DEFB109B: variants seen among roughly 807,000 people sequenced by gnomAD.
The protein encoded by DEFB109B is defensin beta 109B, also known as beta-defensin 109B.
intron 1 of DEFB109B, among the ~76,000 whole-genome samples, chr8:7,315,822 CT>C (rs983222413): frequency 6.9e-6 from 1 of 145,096 alleles, no homozygotes; most frequent in Non-Finnish European, 1.5e-5. Flanking sequence ...TCAGCTCTGT[CT>C]TTTAAAATGA....
At chr8:7,315,145 G>A (rs1350980788) in intron 1 of DEFB109B, among the ~76,000 whole-genome samples, 12 of 72,884 alleles carry the variant, frequency 1.6e-4, no homozygotes, top group Admixed American at 4.0e-4. Flanking sequence ...CTACATGCCT[G>A]TCCCTCAAAA....
upstream of DEFB109B, among the ~76,000 whole-genome samples, chr8:7,310,776 GT>G (rs1163539743): frequency 1.4e-5 from 2 of 146,734 alleles, 1 homozygote; most frequent in African/African-American, 5.5e-5. Context: ...CCTTTAAAAT[GT>G]TTCCTTTTCT....
At chr8:7,315,773 T>A (rs1208411102) in intron 1 of DEFB109B, among the ~76,000 whole-genome samples, 1 of 144,922 alleles carries the variant, frequency 6.9e-6, no homozygotes, top group African/African-American at 2.9e-5. Flanking sequence ...TAGGGCTTCA[T>A]TACTCTGAAT....
intron 1 of DEFB109B, among the ~76,000 whole-genome samples, chr8:7,315,448 G>C (rs1219503061): frequency 7.3e-6 from 1 of 136,486 alleles, no homozygotes; most frequent in East Asian, 2.0e-4. Context: ...GCGGTGAGCC[G>C]AGATCGTGCC....
upstream of DEFB109B, among the ~76,000 whole-genome samples, chr8:7,312,182 C>T (rs529122680): frequency 2.9e-3 from 376 of 127,588 alleles, 9 homozygotes; most frequent in Non-Finnish European, 4.5e-3. Flanking sequence ...TGGTGTTTTA[C>T]TGAGTGGGGA....
At chr8:7,319,249 A>AG (rs1554509865) in intron 1 of DEFB109B, 39 of 128,866 alleles carry the variant, frequency 3.0e-4, no homozygotes, top group East Asian at 6.3e-4. Flanking sequence ...AAAAAAAAAA[A>AG]AGAGAGAGAG....
intron 1 of DEFB109B, among the ~76,000 whole-genome samples, chr8:7,315,705 C>T (rs1297857195): frequency 1.5e-5 from 2 of 137,538 alleles, no homozygotes; most frequent in South Asian, 2.2e-4. Context: ...CTTCCTCCTG[C>T]TTCTGCTGCT....
intron 1 of DEFB109B, among the ~76,000 whole-genome samples, chr8:7,316,794 T>C: frequency 7.7e-6 from 1 of 130,628 alleles, no homozygotes; most frequent in East Asian, 2.0e-4. Flanking sequence ...CTTCAGCTAA[T>C]ATATATATAT....
chr8:7,316,628 TTTG>T (rs1490746444), intron 1 of DEFB109B, among the ~76,000 whole-genome samples: 1 of 133,446 alleles, frequency 7.5e-6, no homozygotes, highest in Non-Finnish European at 1.5e-5. Context: ...TTGGTTTTGT[TTTG>T]TTTTGTTTTT....
chr8:7,318,920 CT>C (rs1347261308), intron 1 of DEFB109B: 1 of 146,248 alleles, frequency 6.8e-6, no homozygotes, highest in Non-Finnish European at 1.5e-5. Context: ...GTCAAAAACA[CT>C]TTTTTCTAAC....
upstream of DEFB109B, among the ~76,000 whole-genome samples, chr8:7,309,603 C>A (rs1317629032): frequency 1.4e-5 from 2 of 147,964 alleles, no homozygotes; most frequent in Non-Finnish European, 2.9e-5. Flanking sequence ...GCATGCCCTT[C>A]TGCATTGAGC....
At chr8:7,313,798 G>T (rs1159206093) in intron 1 of DEFB109B, among the ~76,000 whole-genome samples, 2 of 130,900 alleles carry the variant, frequency 1.5e-5, no homozygotes, top group African/African-American at 4.3e-5. Flanking sequence ...TTTAAAAAAT[G>T]TTTTTCAAAA....
chr8:7,316,634 TTG>T (rs1456797848), intron 1 of DEFB109B, among the ~76,000 whole-genome samples: 1 of 135,656 alleles, frequency 7.4e-6, no homozygotes, highest in African/African-American at 3.4e-5. Context: ...TTGTTTTGTT[TTG>T]TTTTTTTGGA....
chr8:7,310,587 GT>G (rs1802564865), upstream of DEFB109B, among the ~76,000 whole-genome samples: 1 of 141,116 alleles, frequency 7.1e-6, no homozygotes, highest in Admixed American at 6.9e-5. Context: ...AATACTGTGT[GT>G]GTGTGTGTGT....
chr8:7,319,249 A>AAGAG (rs1164775535), intron 1 of DEFB109B: 6 of 128,882 alleles, frequency 4.7e-5, no homozygotes, highest in East Asian at 2.1e-4. Context: ...AAAAAAAAAA[A>AAGAG]AGAGAGAGAG....
chr8:7,316,792 A>AATAT (rs1316201242), intron 1 of DEFB109B, among the ~76,000 whole-genome samples: 2 of 125,448 alleles, frequency 1.6e-5, no homozygotes, highest in African/African-American at 8.7e-5. Context: ...ATCTTCAGCT[A>AATAT]ATATATATAT....
intron 1 of DEFB109B, chr8:7,318,804 G>A (rs1803106808): frequency 6.9e-6 from 1 of 145,336 alleles, no homozygotes; most frequent in Admixed American, 6.6e-5. Context: ...TATCTTTGTT[G>A]TAATAAAGGT....
chr8:7,310,406 C>CA (rs1262700553), upstream of DEFB109B, among the ~76,000 whole-genome samples: 1,812 of 70,474 alleles, frequency 0.026, 153 homozygotes, highest in African/African-American at 0.12. Flanking sequence ...AGCACACAAC[C>CA]AAAAAAAAAA....
upstream of DEFB109B, among the ~76,000 whole-genome samples, chr8:7,312,565 A>G (rs1242647348): frequency 4.9e-5 from 7 of 144,294 alleles, 2 homozygotes; most frequent in African/African-American, 1.7e-4. Context: ...ATTATTGCAT[A>G]TGCATGTCAA....
Sources: gnomAD v4.1 joint callset for allele counts (sites outside exome capture counted in the v4.1 genomes callset) on GRCh38, gnomAD v4.1.1 for gene constraint, MANE v1.5 for transcripts, NCBI Gene and HGNC (gene_info 2026-07-23, HGNC 2026-07-21) for gene names.